The following MEOX2 variants were observed in gnomAD, a reference collection of about 807,000 sequenced individuals.
MEOX2 encodes homeobox protein MOX-2.
A neutral mutation model predicts 27.0 loss-of-function variants in MEOX2; 11 were observed. The ratio of observed to expected loss-of-function variants is 0.41; its 90% CI spans 0.26 to 0.68. The LOEUF (loss-of-function observed/expected upper bound fraction) is 0.68. MEOX2 is among the 30% of genes least tolerant of loss of function. The pLI is 0.33. For synonymous variants in MEOX2, 189 were observed against 155.4 expected (o/e 1.22, Z -1.61); for missense variants, 436 against 385.4 (o/e 1.13, Z -1.10).
intron 1 of MEOX2, among the ~76,000 whole-genome samples, chr7:15,643,390 G>C (rs540709178): frequency 4.0e-4 from 61 of 152,302 alleles, no homozygotes; most frequent in African/African-American, 1.3e-3. Context: ...GCAGGTACAA[G>C]CACTGACCTT....
chr7:15,683,262 T>C, intron 1 of MEOX2, among the ~76,000 whole-genome samples: 1 of 152,042 alleles, frequency 6.6e-6, no homozygotes, highest in East Asian at 1.9e-4. Flanking sequence ...GATGCAGGGA[T>C]ACAGAATTTT....
At chr7:15,616,301 G>C (rs969399642) in intron 2 of MEOX2, among the ~76,000 whole-genome samples, 15 of 151,740 alleles carry the variant, frequency 9.9e-5, no homozygotes, top group African/African-American at 3.6e-4. Flanking sequence ...ATAGAAAATA[G>C]AAGGAAGAAT....
intron 1 of MEOX2, among the ~76,000 whole-genome samples, chr7:15,631,837 A>G (rs1781407456): frequency 2.0e-5 from 3 of 150,472 alleles, no homozygotes; most frequent in African/African-American, 4.9e-5. Flanking sequence ...AATTTTTGGA[A>G]ATATCATAAA....
chr7:15,666,225 T>C (rs1319117010), intron 1 of MEOX2, among the ~76,000 whole-genome samples: 2 of 152,198 alleles, frequency 1.3e-5, no homozygotes, highest in Non-Finnish European at 2.9e-5. Flanking sequence ...GTCATGCCTA[T>C]AAATGTAATT....
At chr7:15,630,296 G>A (rs1781381837) in intron 1 of MEOX2, among the ~76,000 whole-genome samples, 1 of 152,046 alleles carries the variant, frequency 6.6e-6, no homozygotes, top group Admixed American at 6.6e-5. Context: ...GATCATTTCT[G>A]TCTAGCATTT....
intron 1 of MEOX2, among the ~76,000 whole-genome samples, chr7:15,685,476 C>T (rs894888986): frequency 3.3e-5 from 5 of 152,152 alleles, no homozygotes; most frequent in Non-Finnish European, 7.3e-5. Flanking sequence ...CACTCAGAGT[C>T]GGCAACTTGC....
chr7:15,637,780 G>A (rs1781506422), intron 1 of MEOX2, among the ~76,000 whole-genome samples: 1 of 151,976 alleles, frequency 6.6e-6, no homozygotes, highest in African/African-American at 2.4e-5. Flanking sequence ...GATATCAGTT[G>A]TTGCTACTTA....
At chr7:15,615,527 C>T (rs1178487394) in intron 2 of MEOX2, among the ~76,000 whole-genome samples, 1 of 151,986 alleles carries the variant, frequency 6.6e-6, no homozygotes, top group Non-Finnish European at 1.5e-5. Flanking sequence ...AAATATGACA[C>T]TATTTTCCTG....
At chr7:15,677,249 A>T (rs562309232) in intron 1 of MEOX2, among the ~76,000 whole-genome samples, 1 of 152,202 alleles carries the variant, frequency 6.6e-6, no homozygotes, top group Non-Finnish European at 1.5e-5. Flanking sequence ...TCATTGATAG[A>T]TGATAAAAAT....
chr7:15,612,398 C>CTGTTT lies in MEOX2; in HGVS notation c.903_904insAAACA (p.Ala302LysfsTer34). On this transcript the variant is annotated frameshift_variant, in exon 3 of 3. Transcript: ENST00000262041. LOFTEE classifies it high-confidence loss of function. ...GTCCTCTGTTTATATCATAAGTGCG[C>CTGTTT]ATGCTCTGAGCTGTGGTCACTGTCG... 1 of 1,613,794 alleles carries CTGTTT rather than the reference C, an allele frequency of 6.2e-7. No homozygotes were observed.
chr7:15,659,490 G>T (rs936943645), intron 1 of MEOX2, among the ~76,000 whole-genome samples: 1 of 152,060 alleles, frequency 6.6e-6, no homozygotes, highest in African/African-American at 2.4e-5. Context: ...GCCCGGCGCG[G>T]TGGCTCACGC....
intron 1 of MEOX2, among the ~76,000 whole-genome samples, chr7:15,653,309 T>C (rs534118518): frequency 3.5e-4 from 54 of 152,190 alleles, no homozygotes; most frequent in African/African-American, 1.3e-3. Context: ...CTTTCTATCC[T>C]TGGCCCACTT....
At chr7:15,647,414 A>G (rs538686251) in intron 1 of MEOX2, among the ~76,000 whole-genome samples, 1 of 152,200 alleles carries the variant, frequency 6.6e-6, no homozygotes, top group African/African-American at 2.4e-5. Flanking sequence ...ATTTTAGTAA[A>G]TTCTCTAGCT....
At chr7:15,651,517 T>C (rs1583769057) in intron 1 of MEOX2, among the ~76,000 whole-genome samples, 1 of 152,088 alleles carries the variant, frequency 6.6e-6, no homozygotes, top group Non-Finnish European at 1.5e-5. Flanking sequence ...ACCTCTAGAG[T>C]GCTGATTATG....
At chr7:15,623,552 T>C (rs761668892) in intron 2 of MEOX2, among the ~76,000 whole-genome samples, 6 of 152,142 alleles carry the variant, frequency 3.9e-5, no homozygotes, top group African/African-American at 7.2e-5. Context: ...GTATTTGTAG[T>C]AGAGACGGGG....
At chr7:15,662,688 G>A (rs1021719977) in intron 1 of MEOX2, among the ~76,000 whole-genome samples, 3 of 152,132 alleles carry the variant, frequency 2.0e-5, no homozygotes, top group Admixed American at 2.0e-4. Flanking sequence ...CAATGGAGCA[G>A]GCCCCCATTC....
chr7:15,660,191 C>A (rs10282109), intron 1 of MEOX2, among the ~76,000 whole-genome samples: 115,578 of 152,072 alleles, frequency 0.76, 44,112 homozygotes, highest in East Asian at 0.87. Context: ...AGCAAGAACA[C>A]AATCTAGAAA....
At chr7:15,642,165 T>A (rs148843051) in intron 1 of MEOX2, among the ~76,000 whole-genome samples, 1 of 152,296 alleles carries the variant, frequency 6.6e-6, no homozygotes, top group East Asian at 1.9e-4. Context: ...TCTCTAGCAA[T>A]ATTAGGGAAA....
At chr7:15,649,046 A>G (rs1289359714) in intron 1 of MEOX2, among the ~76,000 whole-genome samples, 1 of 152,098 alleles carries the variant, frequency 6.6e-6, no homozygotes, top group Non-Finnish European at 1.5e-5. Flanking sequence ...AAAGCAAGTC[A>G]CCATCTCCAG....
Sources: gnomAD v4.1 joint callset for allele counts (sites outside exome capture counted in the v4.1 genomes callset) on GRCh38, gnomAD v4.1.1 for gene constraint, MANE v1.5 for transcripts, NCBI Gene and HGNC (gene_info 2026-07-23, HGNC 2026-07-21) for gene names.